Variants in SHANK2 observed in about 807,000 individuals in gnomAD.
SHANK2 encodes SH3 and multiple ankyrin repeat domains 2, also known as SH3 and multiple ankyrin repeat domains protein 2.
In SHANK2, 43 loss-of-function variants were observed where a neutral mutation model predicts 133.7. That is an observed-to-expected ratio of 0.32 (90% confidence interval 0.25 to 0.41). SHANK2 has a LOEUF of 0.41. Ranked by LOEUF, SHANK2 falls within the 10% of genes least tolerant of loss-of-function variation. The pLI, the probability that SHANK2 is intolerant of heterozygous loss-of-function variation, is 1.00. For synonymous variants in SHANK2, 1,017 were observed against 952.8 expected, an observed-to-expected ratio of 1.07 and a Z score of -1.24; for missense variants, 1,994 against 2,235.8, an observed-to-expected ratio of 0.89 and a Z score of 2.18.
intron 14 of SHANK2, among the ~76,000 whole-genome samples, chr11:70,754,954 C>G (rs1009918295): frequency 1.3e-5 from 2 of 152,144 alleles, no homozygotes; most frequent in Non-Finnish European, 2.9e-5. Flanking sequence ...GATACTAATA[C>G]AGCAATAATA....
chr11:70,538,824 T>TG (rs2059577762), intron 17 of SHANK2, among the ~76,000 whole-genome samples: 1 of 152,090 alleles, frequency 6.6e-6, no homozygotes, highest in Non-Finnish European at 1.5e-5. Flanking sequence ...GCACAGACGG[T>TG]GGGGAGGGCT....
In SHANK2 at chr11:70,801,094, G is replaced by A. The variant is rs896130387; in HGVS notation, c.1664-2538C>T. Among the ~76,000 whole-genome samples the A allele has an allele frequency of 6.6e-5, 10 of 152,276 alleles. No homozygotes were observed. In the East Asian group the frequency reaches 7.7e-4, roughly 12 times the overall value. ...TCATAAGTGTTTCTATGCGTGAATC[G>A]GAGGCACGTGAGCCCAGTGTGGAAT... is the stretch of plus-strand genomic sequence containing the variant. On this transcript the variant is annotated intron_variant, in intron 13 of 25. Coordinates refer to ENST00000601538, the MANE Select transcript of SHANK2 (RefSeq NM_012309.5).
At chr11:70,622,266 C>T (rs566696058) in intron 17 of SHANK2, among the ~76,000 whole-genome samples, 37 of 152,260 alleles carry the variant, frequency 2.4e-4, no homozygotes, top group Admixed American at 2.2e-3. Context: ...GCAAAGGGCC[C>T]CACAGCTGCC....
intron 17 of SHANK2, among the ~76,000 whole-genome samples, chr11:70,646,814 TCTAA>T (rs1381781073): frequency 4.5e-5 from 6 of 133,070 alleles, no homozygotes; most frequent in African/African-American, 1.5e-4. Context: ...TTAAAAGGAA[TCTAA>T]CTTTTATTTA....
intron 9 of SHANK2, among the ~76,000 whole-genome samples, chr11:71,069,837 T>C (rs1319738925): frequency 6.6e-6 from 1 of 152,176 alleles, no homozygotes; most frequent in Non-Finnish European, 1.5e-5. Context: ...GGCACCTCTG[T>C]CCCATCCCTG....
At chr11:70,918,780 A>G (rs868982809) in intron 10 of SHANK2, among the ~76,000 whole-genome samples, 1 of 152,180 alleles carries the variant, frequency 6.6e-6, no homozygotes, top group Non-Finnish European at 1.5e-5. Flanking sequence ...TGCTGGGATT[A>G]CAGGGCATGA....
At position 71,236,561 on chromosome 11, in the gene SHANK2, G is replaced by A. The variant is rs555435072; in HGVS notation, c.-112-11765C>T. ...TGGGAGGTGGAGGTTGCAGTGAGCCGAGATCACGCTCAGCTTGAGCCTGGT... is the reference window on the plus strand; with the variant it reads ...TGGGAGGTGGAGGTTGCAGTGAGCCAAGATCACGCTCAGCTTGAGCCTGGT... On this transcript the variant is annotated intron_variant, in intron 1 of 25. Coordinates refer to ENST00000601538, the MANE Select transcript of SHANK2 (RefSeq NM_012309.5). Among the ~76,000 whole-genome samples, 8 of 152,274 alleles carry A rather than the reference G, an allele frequency of 5.3e-5. No homozygotes were observed. In the East Asian group the frequency reaches 5.8e-4, roughly 11 times the overall value.
chr11:70,509,569 G>GC (rs1195413399), intron 17 of SHANK2, among the ~76,000 whole-genome samples: 2 of 152,176 alleles, frequency 1.3e-5, no homozygotes, highest in South Asian at 2.1e-4. Context: ...CAGCTCCCCT[G>GC]CCCCCTCACC....
chr11:70,902,500 C>G (rs1285381196), intron 10 of SHANK2, among the ~76,000 whole-genome samples: 1 of 152,234 alleles, frequency 6.6e-6, no homozygotes, highest in Non-Finnish European at 1.5e-5. Context: ...GGGGCTGCCT[C>G]TCAGGGGGCT....
At chr11:70,726,632 G>C (rs1946186726) in intron 14 of SHANK2, among the ~76,000 whole-genome samples, 1 of 152,202 alleles carries the variant, frequency 6.6e-6, no homozygotes, top group Non-Finnish European at 1.5e-5. Context: ...GAAGGCAGGT[G>C]GGGGTTGGCT....
chr11:70,534,751 TCATC>T lies in SHANK2; in HGVS notation c.2062-31824_2062-31821del, dbSNP rs1233153672. ...TTCCCATAAATGACAGTGACACAGT[TCATC>T]AGTTCAGGTGACGCTTCAGACACTA... On this transcript the variant is annotated intron_variant, in intron 17 of 25. Transcript: ENST00000601538. 2.4e-4 allele frequency among the ~76,000 whole-genome samples: 37 copies of T among 152,134 alleles called. 2 individuals carry two copies. Among genetic ancestry groups the T allele is most frequent in the Admixed American group, 2.4e-3 (36 of 15,286 alleles).
chr11:71,178,612 A>G (rs77062400), intron 2 of SHANK2, among the ~76,000 whole-genome samples: 3,165 of 152,342 alleles, frequency 0.021, 67 homozygotes, highest in Non-Finnish European at 0.028. Context: ...AACAATTTAA[A>G]AAGTCTTTAA....
chr11:70,858,529 A>G (rs782563410), intron 11 of SHANK2, among the ~76,000 whole-genome samples: 24 of 152,230 alleles, frequency 1.6e-4, no homozygotes, highest in Non-Finnish European at 2.6e-4. Context: ...TCTCATGCCC[A>G]TGGCTGAGTA....
intron 17 of SHANK2, among the ~76,000 whole-genome samples, chr11:70,513,892 C>G (rs887892066): frequency 7.9e-5 from 12 of 151,702 alleles, no homozygotes; most frequent in Non-Finnish European, 4.4e-5. Context: ...ATAACGTGAA[C>G]GAGAGTCTCA....
intron 14 of SHANK2, among the ~76,000 whole-genome samples, chr11:70,756,807 T>C (rs1187942922): frequency 6.6e-6 from 1 of 152,232 alleles, no homozygotes; most frequent in Non-Finnish European, 1.5e-5. Context: ...TTTGTCTTTC[T>C]GGGAACGTGT....
chr11:70,698,394 C>T (rs1945443976), intron 15 of SHANK2: 1 of 480,908 alleles, frequency 2.1e-6, no homozygotes, highest in Admixed American at 3.3e-5. Context: ...CTGTGGCCCA[C>T]TGCCGTCATC....
chr11:70,484,109 A>C (rs1555152387), intron 25 of SHANK2, among the ~76,000 whole-genome samples: 4 of 152,254 alleles, frequency 2.6e-5, no homozygotes, highest in Non-Finnish European at 2.9e-5. Flanking sequence ...CCTGGGGAAC[A>C]GCAAAATGGT....
chr11:70,583,030 A>T (rs2060203836), intron 17 of SHANK2, among the ~76,000 whole-genome samples: 1 of 152,112 alleles, frequency 6.6e-6, no homozygotes, highest in African/African-American at 2.4e-5. Flanking sequence ...GGTGCAGCTC[A>T]GCACTCTGAC....
At chr11:71,106,886 A>G (rs1365420807) in intron 6 of SHANK2, among the ~76,000 whole-genome samples, 1 of 152,146 alleles carries the variant, frequency 6.6e-6, no homozygotes, top group East Asian at 1.9e-4. Context: ...ACACTTCGGA[A>G]GGCCGAGGCC....
Sources: allele counts gnomAD v4.1 joint callset (sites outside exome capture counted in the v4.1 genomes callset), GRCh38; gene constraint gnomAD v4.1.1; transcripts MANE v1.5; gene names NCBI Gene and HGNC (gene_info 2026-07-23, HGNC 2026-07-21).